RBM20: variants seen among roughly 807,000 people sequenced by gnomAD.
RBM20 encodes RNA binding motif protein 20.
RBM20 carries 51 observed loss-of-function variants against 110.1 expected under a neutral mutation model. That is an observed-to-expected ratio of 0.46 (90% CI 0.37 to 0.59). The LOEUF is 0.59. Ranked by LOEUF, RBM20 falls within the 20% of genes least tolerant of loss-of-function variation. The pLI, the probability that RBM20 is intolerant of heterozygous loss-of-function variation, is 0.00. For missense variants in RBM20, 1,512 were observed against 1,574.9 expected (o/e 0.96, Z 0.68); for synonymous variants, 589 against 618.2 (o/e 0.95, Z 0.70).
intron 8 of RBM20, among the ~76,000 whole-genome samples, chr10:110,810,808 TGTGTGTGC>T (rs1164919850): frequency 6.7e-5 from 10 of 148,564 alleles, no homozygotes; most frequent in East Asian, 2.0e-4. Flanking sequence ...TGTGTGTGTG[TGTGTGTGC>T]GTGTGTGCGT....
intron 5 of RBM20, among the ~76,000 whole-genome samples, chr10:110,789,451 A>G (rs1047721750): frequency 2.6e-4 from 34 of 129,690 alleles, no homozygotes; most frequent in African/African-American, 8.7e-4. Context: ...TTTCCTTTTT[A>G]TTGTTATTTA....
At chr10:110,776,607 G>A (rs77722522) in intron 1 of RBM20, among the ~76,000 whole-genome samples, 27,607 of 152,020 alleles carry the variant, frequency 0.18, 2,642 homozygotes, top group South Asian at 0.34. Context: ...ATATCTTCTC[G>A]CTGACTCTGA....
chr10:110,703,554 C>A (rs907125968), intron 1 of RBM20, among the ~76,000 whole-genome samples: 2 of 152,176 alleles, frequency 1.3e-5, no homozygotes, highest in Non-Finnish European at 2.9e-5. Flanking sequence ...TTGTTACAAT[C>A]TACCTCTCTT....
intron 1 of RBM20, among the ~76,000 whole-genome samples, chr10:110,711,427 A>G (rs993666940): frequency 1.3e-5 from 2 of 151,816 alleles, no homozygotes; most frequent in South Asian, 4.2e-4. Context: ...CCACCACTGC[A>G]ATAGCTCTTG....
At chr10:110,827,417 A>C (rs1844995723) in intron 12 of RBM20, among the ~76,000 whole-genome samples, 1 of 151,908 alleles carries the variant, frequency 6.6e-6, no homozygotes, top group African/African-American at 2.4e-5. Context: ...CAAAAAAAAA[A>C]ACTCAGGATT....
Position 110,812,335 on chromosome 10 carries a change from G to A in RBM20, c.1938G>A (p.Arg646=). Residue 646 remains arginine (R), a synonymous_variant, in exon 9 of 14, where the codon AGG becomes AGA. Transcript: ENST00000369519. ...RSPVSRSLSP[R]SHTPSFTSCS... Reference sequence around the variant, plus strand: ...CGGTGAGCCGGTCACTCTCCCCGAGGTCCCACACTCCCAGCTTCACCTCCT... The same window carrying A: ...CGGTGAGCCGGTCACTCTCCCCGAGATCCCACACTCCCAGCTTCACCTCCT... The A allele has an allele frequency of 6.4e-7, 1 of 1,551,504 alleles. No individual in the cohort carries two copies. Among genetic ancestry groups the A allele is most frequent in the Non-Finnish European group, 8.7e-7 (1 of 1,146,988 alleles).
chr10:110,832,683 T>C (rs561681101), intron 13 of RBM20, among the ~76,000 whole-genome samples: 5 of 152,328 alleles, frequency 3.3e-5, no homozygotes, highest in Non-Finnish European at 7.4e-5. Context: ...CTGAATCACT[T>C]TCCTCTTTTT....
At chr10:110,821,069 G>A (rs894152143) in intron 10 of RBM20, among the ~76,000 whole-genome samples, 3 of 152,212 alleles carry the variant, frequency 2.0e-5, no homozygotes, top group African/African-American at 7.2e-5. Context: ...GGTGGATTAA[G>A]CATTAAGGGC....
At chr10:110,710,694 T>C (rs1437247761) in intron 1 of RBM20, among the ~76,000 whole-genome samples, 1 of 152,246 alleles carries the variant, frequency 6.6e-6, no homozygotes, top group African/African-American at 2.4e-5. Context: ...CAAAGTTTTC[T>C]GTGCAGATAG....
intron 8 of RBM20, among the ~76,000 whole-genome samples, chr10:110,812,055 G>A (rs996276671): frequency 2.0e-5 from 3 of 151,616 alleles, no homozygotes; most frequent in South Asian, 2.1e-4. Context: ...AAGGCACAGC[G>A]AGTGGCCAGT....
chr10:110,672,842 A>C (rs1363687816), intron 1 of RBM20, among the ~76,000 whole-genome samples: 4 of 152,262 alleles, frequency 2.6e-5, no homozygotes, highest in Admixed American at 6.5e-5. Context: ...TGGGTCCACT[A>C]TCTAAAATCA....
intron 1 of RBM20, among the ~76,000 whole-genome samples, chr10:110,748,905 G>A (rs377643690): frequency 3.3e-5 from 5 of 152,230 alleles, no homozygotes; most frequent in African/African-American, 9.6e-5. Context: ...TGTGGTTTTC[G>A]TCTTTATGGA....
At chr10:110,808,840 C>A (rs1397716899) in intron 7 of RBM20, among the ~76,000 whole-genome samples, 1 of 152,130 alleles carries the variant, frequency 6.6e-6, no homozygotes, top group Non-Finnish European at 1.5e-5. Flanking sequence ...CATGCTAGGC[C>A]AGCTAGATCA....
Position 110,810,467 on chromosome 10 carries a change from G to C in RBM20, c.1880+5G>C, listed in dbSNP as rs1267959915. 1 of 1,550,036 alleles carries C rather than the reference G, an allele frequency of 6.5e-7. No individual in the cohort carries two copies. The highest frequency in any genetic ancestry group is 8.7e-7 in the Non-Finnish European group (1 of 1,145,612). On this transcript the variant is annotated splice_donor_5th_base_variant and intron_variant, in intron 8 of 13. Transcript: ENST00000369519. The stretch of plus-strand genomic sequence containing the variant: ...CATGTTCCGGGAAGCAGACAGGTGA[G>C]GCCCCAAGCCCCAAGTCTCCAGGCA...
At chr10:110,749,537 C>A (rs1843826889) in intron 1 of RBM20, among the ~76,000 whole-genome samples, 2 of 152,266 alleles carry the variant, frequency 1.3e-5, no homozygotes, top group East Asian at 3.9e-4. Flanking sequence ...AAAAGTGTCT[C>A]ATTGAAGACA....
In RBM20 at chr10:110,823,530, T is replaced by A; in HGVS notation, c.3367T>A (p.Tyr1123Asn). 1 of 1,543,666 alleles carries A rather than the reference T, an allele frequency of 6.5e-7. No individual in the cohort carries two copies. Among genetic ancestry groups the A allele is most frequent in the Non-Finnish European group, 8.7e-7 (1 of 1,145,384 alleles). Residue 1123 changes from tyrosine (Y) to asparagine (N), a missense_variant, in exon 12 of 14, where the codon TAC (tyrosine) becomes AAC (asparagine). Around this residue, in one of 3 missense-constraint regions of RBM20, gnomAD observed 358 missense variants for 384.2 expected, o/e 0.93. Coordinates refer to ENST00000369519, the MANE Select transcript of RBM20 (RefSeq NM_001134363.3). ...ATCTCTGGAGGTGAGGTCACCAGAG[T>A]ACACTGAAGTGGAACTGAAACAGCC... ...MKSLEVRSPE[Y>N]TEVELKQPLS...
At chr10:110,689,859 G>C (rs1376615472) in intron 1 of RBM20, among the ~76,000 whole-genome samples, 2 of 152,182 alleles carry the variant, frequency 1.3e-5, no homozygotes, top group Non-Finnish European at 2.9e-5. Flanking sequence ...GTAGAAGCCA[G>C]GGAAGATTCT....
chr10:110,740,643 C>T (rs1225040745), intron 1 of RBM20, among the ~76,000 whole-genome samples: 1 of 152,166 alleles, frequency 6.6e-6, no homozygotes, highest in Non-Finnish European at 1.5e-5. Flanking sequence ...AGTTTATGGC[C>T]ACCTTGATGT....
chr10:110,696,765 A>C (rs1862669809), intron 1 of RBM20, among the ~76,000 whole-genome samples: 1 of 152,182 alleles, frequency 6.6e-6, no homozygotes. Context: ...GCACAGCTTA[A>C]AGCACACTCT....
Sources: allele counts gnomAD v4.1 joint callset (sites outside exome capture counted in the v4.1 genomes callset), GRCh38; gene constraint gnomAD v4.1.1; regional missense constraint gnomAD v4.1.1; transcripts MANE v1.5; gene names NCBI Gene and HGNC (gene_info 2026-07-23, HGNC 2026-07-21).